IL1RAPL1: variants seen among roughly 807,000 people sequenced by gnomAD.
IL1RAPL1 encodes interleukin-1 receptor accessory protein-like 1.
IL1RAPL1 carries 3 observed loss-of-function variants against 48.4 expected under a neutral mutation model. The observed-to-expected ratio is 0.06, with a 90% CI of 0.03 to 0.16. The LOEUF is 0.16. Among genes scored for constraint, IL1RAPL1 ranks in the 10% least tolerant of loss-of-function variants. The pLI, the probability that IL1RAPL1 is intolerant of heterozygous loss-of-function variation, is 1.00. For synonymous variants in IL1RAPL1, 185 were observed against 187.7 expected, an observed-to-expected ratio of 0.99 and a Z score of 0.12; for missense variants, 349 against 530.6, an observed-to-expected ratio of 0.66 and a Z score of 3.36.
chrX:29,424,444 T>G (rs772785806), intron 5 of IL1RAPL1, among the ~76,000 whole-genome samples: 72 of 111,393 alleles, frequency 6.5e-4, no homozygotes, highest in African/African-American at 2.3e-3. Flanking sequence ...AGAGGGATTG[T>G]ATGTTGCCTC....
chrX:29,768,627 G>A (rs190349213), intron 6 of IL1RAPL1, among the ~76,000 whole-genome samples: 2 of 111,542 alleles, frequency 1.8e-5, no homozygotes, highest in Admixed American at 9.5e-5. Context: ...CTTTTACTTC[G>A]CGGTTTTATT....
intron 5 of IL1RAPL1, among the ~76,000 whole-genome samples, chrX:29,570,718 A>G (rs1922564384): frequency 8.9e-6 from 1 of 111,921 alleles, no homozygotes; most frequent in East Asian, 2.8e-4. Flanking sequence ...CCAGGAGGGG[A>G]TTCCATTCCT....
chrX:29,744,195 GT>G (rs201276490), intron 6 of IL1RAPL1, among the ~76,000 whole-genome samples: 3,202 of 111,834 alleles, frequency 0.029, 107 homozygotes, highest in African/African-American at 0.099. Context: ...CTTCTTGTAC[GT>G]TTTCTATCGA....
At chrX:28,621,392 G>A (rs748202675) in intron 1 of IL1RAPL1, among the ~76,000 whole-genome samples, 1 of 111,094 alleles carries the variant, frequency 9.0e-6, no homozygotes, top group African/African-American at 3.3e-5. Flanking sequence ...GGAGGCATTC[G>A]TTGCATTGTT....
intron 8 of IL1RAPL1, among the ~76,000 whole-genome samples, chrX:29,926,547 C>T (rs148661863): frequency 0.016 from 1,758 of 112,093 alleles, 37 homozygotes; most frequent in African/African-American, 0.054. Context: ...CTCTTACATG[C>T]TTCAAAGTAC....
chrX:28,679,290 C>A (rs1052995188), intron 1 of IL1RAPL1, among the ~76,000 whole-genome samples: 1 of 111,589 alleles, frequency 9.0e-6, no homozygotes, highest in African/African-American at 3.3e-5. Context: ...CATTTTTATT[C>A]GGGTTTTTTT....
chrX:28,615,219 T>TTTG (rs1934203845), intron 1 of IL1RAPL1, among the ~76,000 whole-genome samples: 1 of 91,666 alleles, frequency 1.1e-5, no homozygotes, highest in Non-Finnish European at 2.1e-5. Context: ...TTTTTTTTTT[T>TTTG]TTTTTTTTTT....
chrX:28,885,575 A>C (rs1340995073), intron 2 of IL1RAPL1, among the ~76,000 whole-genome samples: 1 of 112,003 alleles, frequency 8.9e-6, no homozygotes. Context: ...ATTTTAACAT[A>C]TGTTTAATAA....
At chrX:29,242,630 T>C (rs1218570409) in intron 2 of IL1RAPL1, among the ~76,000 whole-genome samples, 4 of 112,526 alleles carry the variant, frequency 3.6e-5, no homozygotes, top group Non-Finnish European at 5.6e-5. Flanking sequence ...ATAATGTAAT[T>C]GATAATGCTA....
intron 5 of IL1RAPL1, among the ~76,000 whole-genome samples, chrX:29,538,695 A>G (rs1260587145): frequency 9.3e-6 from 1 of 107,264 alleles, no homozygotes; most frequent in East Asian, 2.9e-4. Context: ...ACTATTTCTT[A>G]TTTTACAAAT....
chrX:29,404,152 T>G (rs1470735933), intron 5 of IL1RAPL1, among the ~76,000 whole-genome samples: 1 of 112,248 alleles, frequency 8.9e-6, no homozygotes, highest in African/African-American at 3.2e-5. Flanking sequence ...TGTCATGTAT[T>G]CATAATTAAA....
chrX:29,693,215 C>T (rs780134547), intron 6 of IL1RAPL1, among the ~76,000 whole-genome samples: 1 of 112,286 alleles, frequency 8.9e-6, no homozygotes, highest in East Asian at 2.8e-4. Flanking sequence ...CCATAGGCAG[C>T]TGGTGTCATC....
chrX:29,356,252 C>T (rs772373255), intron 3 of IL1RAPL1, among the ~76,000 whole-genome samples: 1 of 110,464 alleles, frequency 9.1e-6, no homozygotes, highest in Non-Finnish European at 1.9e-5. Flanking sequence ...ACGTGTGTAT[C>T]CATATATGCC....
intron 1 of IL1RAPL1, among the ~76,000 whole-genome samples, chrX:28,750,043 C>G (rs1487915628): frequency 9.2e-6 from 1 of 108,925 alleles, no homozygotes; most frequent in African/African-American, 3.4e-5. Flanking sequence ...ACCTCCGTCT[C>G]CCAGGTTCAA....
chrX:29,659,704 A>G (rs1284567075), intron 5 of IL1RAPL1, among the ~76,000 whole-genome samples: 1 of 111,686 alleles, frequency 9.0e-6, no homozygotes, highest in Non-Finnish European at 1.9e-5. Flanking sequence ...AGCTCACTGC[A>G]ACCTCCGCCT....
intron 1 of IL1RAPL1, among the ~76,000 whole-genome samples, chrX:28,632,862 A>G (rs1169043541): frequency 9.5e-6 from 1 of 105,388 alleles, no homozygotes; most frequent in Non-Finnish European, 1.9e-5. Context: ...ATGAAATGTA[A>G]CCTCTAGAAA....
chrX:29,246,768 C>T (rs949553953), intron 2 of IL1RAPL1, among the ~76,000 whole-genome samples: 3 of 111,293 alleles, frequency 2.7e-5, no homozygotes, highest in Admixed American at 1.9e-4. Flanking sequence ...AGGTTTCCAG[C>T]CCTCTTTTTG....
chrX:28,830,559 T>C (rs1025300636), intron 2 of IL1RAPL1, among the ~76,000 whole-genome samples: 4 of 111,698 alleles, frequency 3.6e-5, no homozygotes, highest in Admixed American at 9.5e-5. Flanking sequence ...TAAGCTGTCC[T>C]TTATTTCTTT....
chrX:28,762,823 C>CACACACAGAG (rs1268556014), intron 1 of IL1RAPL1, among the ~76,000 whole-genome samples: 87 of 36,763 alleles, frequency 2.4e-3, no homozygotes, highest in African/African-American at 5.6e-3. Context: ...CACACACACA[C>CACACACAGAG]AGAGAGAGAG....
Sources: allele counts gnomAD v4.1 joint callset (sites outside exome capture counted in the v4.1 genomes callset), GRCh38; gene constraint gnomAD v4.1.1; transcripts MANE v1.5; gene names NCBI Gene and HGNC (gene_info 2026-07-23, HGNC 2026-07-21).